Variants in APPL1 observed in about 807,000 individuals in gnomAD.
The protein encoded by APPL1 is adaptor protein, phosphotyrosine interacting with PH domain and leucine zipper 1, also known as DCC-interacting protein 13-alpha.
APPL1 carries 42 observed loss-of-function variants against 106.8 expected under a neutral mutation model. That is an observed-to-expected ratio of 0.39 (90% CI 0.31 to 0.51). The LOEUF (loss-of-function observed/expected upper bound fraction) is 0.51. Among genes scored for constraint, APPL1 ranks in the 20% least tolerant of loss-of-function variants. The probability of loss-of-function intolerance (pLI) is 0.75; values close to 1 mark genes in which losing one functional copy is unlikely to be tolerated. For missense variants in APPL1, 769 were observed against 858.2 expected (o/e 0.90, Z 1.30); for synonymous variants, 263 against 281.8 (o/e 0.93, Z 0.67).
Position 57,227,817 on chromosome 3 carries a change from G to A in APPL1, c.-67G>A. 2 of 1,349,814 alleles carry A rather than the reference G, an allele frequency of 1.5e-6. No individual in the cohort carries two copies. Among genetic ancestry groups the A allele is most frequent in the South Asian group, 1.5e-5 (1 of 67,312 alleles). 83.6% of individuals were successfully genotyped at this position (1,349,814 alleles called of 1,614,324 possible). ...AGGGCGGGCCGGGGTCAGCTGCGGC[G>A]GGCGGGCCGGCGCGGGGAGCTGTGG... is the stretch of plus-strand genomic sequence containing the variant. On this transcript the variant is annotated 5_prime_UTR_variant, in exon 1 of 22. Transcript: ENST00000288266.
chr3:57,245,384 G>A (rs558775083), intron 7 of APPL1, among the ~76,000 whole-genome samples: 120 of 152,128 alleles, frequency 7.9e-4, no homozygotes, highest in Non-Finnish European at 1.2e-3. Context: ...AGAACCAGGA[G>A]GGGAGAATGG....
At chr3:57,264,101 T>C (rs1366379297) in intron 19 of APPL1, among the ~76,000 whole-genome samples, 2 of 152,176 alleles carry the variant, frequency 1.3e-5, no homozygotes, top group African/African-American at 2.4e-5. Flanking sequence ...AGATGATACA[T>C]TGTAGTTTTG....
chr3:57,257,555 T>C, intron 15 of APPL1, 127 bp downstream of exon 15: 1 of 782,902 alleles, frequency 1.3e-6, no homozygotes, highest in Non-Finnish European at 1.8e-6. Flanking sequence ...TGTTTAATTA[T>C]GTAACATATT....
chr3:57,240,356 C>G, intron 4 of APPL1, 109 bp from the exon 5 acceptor site: 3 of 800,062 alleles, frequency 3.7e-6, no homozygotes, highest in Middle Eastern at 2.3e-4. Flanking sequence ...TAGTGTTTTC[C>G]TATATAAAAT....
intron 19 of APPL1, among the ~76,000 whole-genome samples, chr3:57,266,275 G>A (rs992745898): frequency 3.3e-5 from 5 of 152,138 alleles, no homozygotes; most frequent in African/African-American, 4.8e-5. Flanking sequence ...ATTGGTATTA[G>A]TTCTTCTTTA....
At chr3:57,231,034 C>A (rs2060684088) in intron 1 of APPL1, among the ~76,000 whole-genome samples, 1 of 151,710 alleles carries the variant, frequency 6.6e-6, no homozygotes, top group South Asian at 2.1e-4. Flanking sequence ...AGTAGCCCAA[C>A]TAATCTAAAA....
intron 11 of APPL1, among the ~76,000 whole-genome samples, chr3:57,250,378 G>A (rs1239968447): frequency 6.6e-6 from 1 of 152,094 alleles, no homozygotes; most frequent in Non-Finnish European, 1.5e-5. Flanking sequence ...GGACTTAAGT[G>A]ATCTTCCTGC....
intron 2 of APPL1, 120 bp from the exon 3 acceptor site, chr3:57,237,372 A>G: frequency 1.4e-6 from 1 of 714,792 alleles, no homozygotes; most frequent in Non-Finnish European, 2.3e-6. Context: ...GATTTAATGA[A>G]GGTTTTAAAA....
Position 57,257,432 on chromosome 3 carries a change from G to T in APPL1, c.1430+4G>T. On this transcript the variant is annotated splice_donor_region_variant and intron_variant, in intron 15 of 21. Transcript: ENST00000288266. ...AAGCCTTTGGCCAGGGAGGCAGGTG[G>T]GTGATAGCATCACAGGTACATTGTG... The T allele has an allele frequency of 6.2e-7, 1 of 1,608,476 alleles. No individual in the cohort carries two copies.
intron 7 of APPL1, among the ~76,000 whole-genome samples, chr3:57,244,158 CT>C (rs113139356): frequency 3.0e-3 from 428 of 143,194 alleles, no homozygotes; most frequent in Middle Eastern, 3.6e-3. Flanking sequence ...AAAGGTTACA[CT>C]TTTTTTTTTT....
chr3:57,240,173 A>C (rs978092113), intron 4 of APPL1, among the ~76,000 whole-genome samples: 2 of 146,122 alleles, frequency 1.4e-5, no homozygotes, highest in African/African-American at 5.1e-5. Flanking sequence ...GCTTTCATGC[A>C]TAGAAGTTTT....
chr3:57,242,049 C>G (rs2060748812), intron 5 of APPL1, 52 bp from the exon 6 acceptor site: 1 of 1,324,650 alleles, frequency 7.5e-7, no homozygotes, highest in Non-Finnish European at 1.1e-6. Context: ...GTTTTCCAAA[C>G]AAATGTATTT....
rs770862055 is a variant in APPL1 at position 57,267,815 on chromosome 3, G to A, written c.1893+23G>A. On this transcript the variant is annotated intron_variant, in intron 20 of 21. Transcript: ENST00000288266. The stretch of plus-strand genomic sequence containing the variant: ...CTGGTAAGAATCCAAGATGTGGCTG[G>A]GCACAGTGGTTCACACCTGTAATCG... 4.3e-6 allele frequency: 7 copies of A among 1,612,364 alleles called. No homozygotes were observed. In the South Asian group the frequency reaches 7.7e-5, roughly 18 times the overall value.
intron 12 of APPL1, 99 bp from the exon 13 acceptor site, chr3:57,253,583 C>T: frequency 6.9e-6 from 6 of 875,438 alleles, no homozygotes; most frequent in Non-Finnish European, 9.5e-6. Context: ...TATATTACTT[C>T]TAATGAAACA....
intron 9 of APPL1, 134 bp from the exon 10 acceptor site, chr3:57,248,059 G>T (rs572918483): frequency 2.6e-6 from 2 of 780,338 alleles, no homozygotes; most frequent in Non-Finnish European, 1.9e-6. Context: ...AAATATATTC[G>T]TGTTGTTTTA....
intron 5 of APPL1, among the ~76,000 whole-genome samples, chr3:57,240,837 T>C (rs2060742637): frequency 6.6e-6 from 1 of 152,224 alleles, no homozygotes; most frequent in Non-Finnish European, 1.5e-5. Flanking sequence ...AGCAAGGTGC[T>C]GGCGGGGCTG....
rs990040656 is a variant in APPL1 at position 57,228,166 on chromosome 3, C to A, written c.54+229C>A. ...CGAGGGCCGCAGGCGGAGACCGAGCCGCTGGTGCTCGTGGGCCGGGCGGTC... is the reference window on the plus strand; with the variant it reads ...CGAGGGCCGCAGGCGGAGACCGAGCAGCTGGTGCTCGTGGGCCGGGCGGTC... On this transcript the variant is annotated intron_variant, in intron 1 of 21. Transcript: ENST00000288266. This position sits in a 1 kb window ranked among gnomAD's most constrained non-coding sequence, Gnocchi z 4.6. 6.6e-6 allele frequency among the ~76,000 whole-genome samples: 1 copy of A among 152,002 alleles called. No homozygotes were observed. Among genetic ancestry groups the A allele is most frequent in the Non-Finnish European group, 1.5e-5 (1 of 67,960 alleles).
Position 57,260,706 on chromosome 3 carries a change from A to G in APPL1, c.1774A>G (p.Ser592Gly), listed in dbSNP as rs1384661243. ...RLFGFVLRTSSGRSESNLSSV... is the reference protein window; with the variant it reads ...RLFGFVLRTSGGRSESNLSSV... ...TTTTGGATTTGTTCTTCGGACATCA[A>G]GCGGGAGAAGTGAAAGTAATCTGTC... Residue 592 changes from serine (S) to glycine (G), a missense_variant, in exon 19 of 22, where the codon AGC becomes GGC. Transcript: ENST00000288266. The G allele has an allele frequency of 6.2e-7, 1 of 1,612,972 alleles. No individual in the cohort carries two copies. The highest frequency in any genetic ancestry group is 1.3e-5 in the African/African-American group (1 of 74,994).
chr3:57,260,901 A>T, intron 19 of APPL1, 127 bp downstream of exon 19: 2 of 1,109,662 alleles, frequency 1.8e-6, no homozygotes, highest in South Asian at 4.1e-5. Flanking sequence ...TTTACAATTT[A>T]TACAAATTTA....
Sources: allele counts gnomAD v4.1 joint callset (sites outside exome capture counted in the v4.1 genomes callset), GRCh38; gene constraint gnomAD v4.1.1; non-coding constraint Gnocchi (gnomAD v3.1); transcripts MANE v1.5; gene names NCBI Gene and HGNC (gene_info 2026-07-23, HGNC 2026-07-21).